LRP1B: variants seen among roughly 807,000 people sequenced by gnomAD.
The protein encoded by LRP1B is low-density lipoprotein receptor-related protein 1B.
LRP1B carries 217 observed loss-of-function variants against 556.6 expected under a neutral mutation model. That is an observed-to-expected ratio of 0.39 (90% CI 0.35 to 0.44). The LOEUF is 0.44. Ranked by LOEUF, LRP1B falls within the 20% of genes least tolerant of loss-of-function variation. The pLI is 1.00. For synonymous variants in LRP1B, 2,047 were observed against 1,865.8 expected, an observed-to-expected ratio of 1.10 and a Z score of -2.50; for missense variants, 5,053 against 5,620.8, an observed-to-expected ratio of 0.90 and a Z score of 3.23.
chr2:141,670,375 C>G (rs1342525126), intron 2 of LRP1B, among the ~76,000 whole-genome samples: 1 of 152,120 alleles, frequency 6.6e-6, no homozygotes, highest in Non-Finnish European at 1.5e-5. Flanking sequence ...AAAAATAACA[C>G]TTTATTTTTA....
intron 7 of LRP1B, among the ~76,000 whole-genome samples, chr2:141,081,346 T>A (rs1699917443): frequency 6.6e-6 from 1 of 152,168 alleles, no homozygotes; most frequent in Non-Finnish European, 1.5e-5. Flanking sequence ...GATTTTTTAT[T>A]CATAAAATTT....
At chr2:140,950,471 T>A (rs2105300568) in intron 19 of LRP1B, 69 bp from the exon 20 acceptor site, 1 of 1,284,996 alleles carries the variant, frequency 7.8e-7, no homozygotes. Context: ...ATGAAATATC[T>A]AACTGGTTTC....
chr2:140,670,033 T>A (rs1480994987), intron 41 of LRP1B, among the ~76,000 whole-genome samples: 3 of 152,144 alleles, frequency 2.0e-5, no homozygotes, highest in African/African-American at 7.2e-5. Flanking sequence ...GGGTCTGGAC[T>A]CAAAACTTGA....
At chr2:141,817,262 T>C (rs1379832151) in intron 1 of LRP1B, among the ~76,000 whole-genome samples, 1 of 152,128 alleles carries the variant, frequency 6.6e-6, no homozygotes, top group Non-Finnish European at 1.5e-5. Flanking sequence ...AAGGAGCTTA[T>C]GGAAATGTGA....
intron 2 of LRP1B, among the ~76,000 whole-genome samples, chr2:141,803,434 G>C (rs989608312): frequency 6.6e-6 from 1 of 151,708 alleles, no homozygotes; most frequent in African/African-American, 2.4e-5. Context: ...TTAAAGAAGG[G>C]TCAATGCTTT....
At chr2:142,057,727 G>A (rs1361028155) in intron 1 of LRP1B, among the ~76,000 whole-genome samples, 1 of 152,122 alleles carries the variant, frequency 6.6e-6, no homozygotes, top group East Asian at 1.9e-4. Flanking sequence ...AATGGATTAT[G>A]AAGTTATTAC....
rs747568580 is a variant in LRP1B, at chr2:140,596,957, T to C, written c.7194+1674A>G. Among the ~76,000 whole-genome samples the C allele has an allele frequency of 2.6e-5, 4 of 152,194 alleles. No homozygotes were observed. The East Asian group carries it at 7.7e-4, about 29-fold the overall frequency. ...TAGGGCGATTAGTAAATTGATACAG[T>C]CTGAAGTCTTAATAAATCTGCACAA... On this transcript the variant is annotated intron_variant, in intron 43 of 90. Coordinates refer to ENST00000389484, the MANE Select transcript of LRP1B (RefSeq NM_018557.3).
At chr2:140,688,766 A>G (rs1464452945) in intron 41 of LRP1B, among the ~76,000 whole-genome samples, 1 of 152,190 alleles carries the variant, frequency 6.6e-6, no homozygotes, top group Non-Finnish European at 1.5e-5. Flanking sequence ...GAACCCTGAG[A>G]CCATCTCAAG....
Position 141,388,410 on chromosome 2 carries a change from T to C in LRP1B, c.343+91986A>G, listed in dbSNP as rs370607697. Among the ~76,000 whole-genome samples, 8 of 152,272 alleles carry C rather than the reference T, an allele frequency of 5.3e-5. 1 individual carries two copies. The highest frequency in any genetic ancestry group is 1.9e-4 in the African/African-American group (8 of 41,566). On this transcript the variant is annotated intron_variant, in intron 3 of 90. Coordinates refer to ENST00000389484, the MANE Select transcript of LRP1B (RefSeq NM_018557.3). ...AAGATGGCGCCACTGCACTCAAGCC[T>C]GGGCGACAGTGCGAGACTTCTGTCT...
At chr2:141,758,167 A>T (rs2105586119) in intron 2 of LRP1B, among the ~76,000 whole-genome samples, 1 of 152,346 alleles carries the variant, frequency 6.6e-6, no homozygotes, top group African/African-American at 2.4e-5. Context: ...AGCAAAATTT[A>T]TCTTTTCTCT....
At chr2:141,658,196 T>C (rs1262048921) in intron 2 of LRP1B, among the ~76,000 whole-genome samples, 1 of 152,164 alleles carries the variant, frequency 6.6e-6, no homozygotes, top group African/African-American at 2.4e-5. Context: ...TTCAAGGAGA[T>C]CAACAAGTAG....
At chr2:140,947,019 G>T (rs1159517594) in intron 20 of LRP1B, among the ~76,000 whole-genome samples, 1 of 152,120 alleles carries the variant, frequency 6.6e-6, no homozygotes, top group African/African-American at 2.4e-5. Context: ...CTCCAAAATG[G>T]AGAGAAGGAA....
intron 7 of LRP1B, among the ~76,000 whole-genome samples, chr2:141,155,744 C>A (rs1702050418): frequency 6.6e-6 from 1 of 152,100 alleles, no homozygotes; most frequent in Admixed American, 6.6e-5. Context: ...CAGAATTTTA[C>A]TGAAGTCTTC....
At chr2:140,274,650 TC>T (rs778532800) in intron 84 of LRP1B, 52 bp from the exon 85 acceptor site, 9 of 1,490,060 alleles carry the variant, frequency 6.0e-6, no homozygotes, top group Admixed American at 1.9e-5. Context: ...AGGACATTTT[TC>T]TTCAGTCATA....
At chr2:141,124,640 C>A (rs1411720112) in intron 7 of LRP1B, among the ~76,000 whole-genome samples, 13 of 122,874 alleles carry the variant, frequency 1.1e-4, no homozygotes, top group African/African-American at 1.6e-4. Context: ...CTGTGTACAT[C>A]ATTGAAGAGA....
At chr2:141,399,874 T>C (rs1304647686) in intron 3 of LRP1B, among the ~76,000 whole-genome samples, 1 of 152,202 alleles carries the variant, frequency 6.6e-6, no homozygotes, top group Non-Finnish European at 1.5e-5. Flanking sequence ...TCCTACATGT[T>C]TGTAGTAATA....
chr2:141,390,716 T>C (rs1362708863), intron 3 of LRP1B, among the ~76,000 whole-genome samples: 1 of 152,166 alleles, frequency 6.6e-6, no homozygotes, highest in African/African-American at 2.4e-5. Context: ...TTATATGAAA[T>C]ATTCAGAAGA....
rs139021887 is a variant in LRP1B, at chr2:140,886,515, C to T, written c.3767-180G>A. On this transcript the variant is annotated intron_variant, in intron 23 of 90. Coordinates refer to ENST00000389484, the MANE Select transcript of LRP1B (RefSeq NM_018557.3). ...TGCAAAACTTAGGTTTATGTGTATT[C>T]ACTAGAATAGGTATTAGGGAGTTTT... Among the ~76,000 whole-genome samples the T allele has an allele frequency of 1.6e-3, 240 of 152,102 alleles. 1 individual carries two copies. The East Asian group carries it at 0.019, about 12-fold the overall frequency.
At chr2:141,312,103 G>T (rs1431556634) in intron 3 of LRP1B, among the ~76,000 whole-genome samples, 1 of 152,104 alleles carries the variant, frequency 6.6e-6, no homozygotes, top group Non-Finnish European at 1.5e-5. Flanking sequence ...AAATGCATGG[G>T]TTTACCATAC....
Sources: allele counts gnomAD v4.1 joint callset (sites outside exome capture counted in the v4.1 genomes callset), GRCh38; gene constraint gnomAD v4.1.1; transcripts MANE v1.5; gene names NCBI Gene and HGNC (gene_info 2026-07-23, HGNC 2026-07-21).